Variants in RERE observed in about 807,000 individuals in gnomAD.
RERE encodes arginine-glutamic acid dipeptide repeats protein.
Under a neutral mutation model 146.1 loss-of-function variants are expected in RERE, and 40 were observed. The observed-to-expected ratio is 0.27, with a 90% CI of 0.21 to 0.36. RERE has a LOEUF of 0.36. Among genes scored for constraint, RERE ranks in the 10% least tolerant of loss-of-function variants. The pLI is 1.00. For missense variants in RERE, 1,933 were observed against 2,138.7 expected (o/e 0.90, Z 1.90); for synonymous variants, 1,003 against 866.0 (o/e 1.16, Z -2.78).
At chr1:8,482,376 T>C (rs901522635) in intron 10 of RERE, among the ~76,000 whole-genome samples, 1 of 152,034 alleles carries the variant, frequency 6.6e-6, no homozygotes, top group Non-Finnish European at 1.5e-5. Flanking sequence ...TAAAAGCCAT[T>C]TCATTCAAAC....
At chr1:8,573,918 A>AC (rs1306272095) in intron 4 of RERE, among the ~76,000 whole-genome samples, 2 of 151,512 alleles carry the variant, frequency 1.3e-5, no homozygotes, top group African/African-American at 4.8e-5. Flanking sequence ...CTCTCCTCCT[A>AC]CCTCAGCCTC....
intron 4 of RERE, among the ~76,000 whole-genome samples, chr1:8,558,923 G>A (rs772472013): frequency 3.3e-5 from 5 of 150,400 alleles, no homozygotes; most frequent in Non-Finnish European, 7.4e-5. Flanking sequence ...AGCCTCCCAA[G>A]TAGCTGGGAT....
rs951450531 is a variant in RERE, at chr1:8,453,768, T to C, written c.1203+12157A>G. Among the ~76,000 whole-genome samples the C allele has an allele frequency of 3.9e-5, 6 of 152,194 alleles. No individual in the cohort carries two copies. The South Asian group carries it at 1.2e-3, about 32-fold the overall frequency. On this transcript the variant is annotated intron_variant, in intron 11 of 22. Transcript: ENST00000400908. The stretch of plus-strand genomic sequence containing the variant: ...TTGCAGTGAGCTGAGATCACACCAT[T>C]GCACTGGTCCAGCCTGGGCAACAGA...
At chr1:8,462,491 G>T (rs763866227) in intron 11 of RERE, among the ~76,000 whole-genome samples, 8 of 152,254 alleles carry the variant, frequency 5.3e-5, no homozygotes, top group Non-Finnish European at 1.2e-4. Context: ...AACGAGTAGG[G>T]TCTGCACTGG....
chr1:8,471,245 G>T lies in RERE; in HGVS notation c.1105-5222C>A, dbSNP rs773855309. On this transcript the variant is annotated intron_variant, in intron 10 of 22. Transcript: ENST00000400908. Reference sequence around the variant, plus strand: ...CGATCAGGACATCTTTCTTTCCTTCGACACATTTACTGAGTGCTCAACTAT... The same window carrying T: ...CGATCAGGACATCTTTCTTTCCTTCTACACATTTACTGAGTGCTCAACTAT... Among the ~76,000 whole-genome samples the T allele has an allele frequency of 3.3e-5, 5 of 152,152 alleles. No individual in the cohort carries two copies. In the Middle Eastern group the frequency reaches 0.014, roughly 414 times the overall value.
At chr1:8,680,035 A>T (rs974481474) in intron 1 of RERE, among the ~76,000 whole-genome samples, 8 of 152,178 alleles carry the variant, frequency 5.3e-5, no homozygotes, top group Non-Finnish European at 7.4e-5. Context: ...AATAATCATC[A>T]TGGAATAGCT....
chr1:8,631,378 G>C (rs1647033341), intron 2 of RERE, among the ~76,000 whole-genome samples: 1 of 152,112 alleles, frequency 6.6e-6, no homozygotes, highest in Non-Finnish European at 1.5e-5. Context: ...CTCCAGCCTG[G>C]GTGACAGCAT....
At chr1:8,549,043 C>G (rs1482102717) in intron 6 of RERE, among the ~76,000 whole-genome samples, 2 of 152,142 alleles carry the variant, frequency 1.3e-5, no homozygotes, top group Non-Finnish European at 2.9e-5. Flanking sequence ...TATAACCTTA[C>G]AAGTCTGGAG....
chr1:8,790,239 T>C (rs193158206), intron 1 of RERE, among the ~76,000 whole-genome samples: 67 of 152,206 alleles, frequency 4.4e-4, no homozygotes, highest in Non-Finnish European at 4.4e-5. Flanking sequence ...ATGGCATATG[T>C]ACTGAAACGC....
chr1:8,759,047 C>T (rs925825338), intron 1 of RERE, among the ~76,000 whole-genome samples: 11 of 151,930 alleles, frequency 7.2e-5, no homozygotes, highest in African/African-American at 1.9e-4. Flanking sequence ...ATGCTGAAGC[C>T]GGAGGATTGC....
intron 12 of RERE, among the ~76,000 whole-genome samples, chr1:8,376,510 C>T (rs558564819): frequency 2.2e-4 from 33 of 152,322 alleles, no homozygotes; most frequent in South Asian, 1.9e-3. Flanking sequence ...ACCTCTATGA[C>T]GACATGAGAC....
chr1:8,662,406 G>C (rs766414764), intron 1 of RERE, among the ~76,000 whole-genome samples: 1 of 152,160 alleles, frequency 6.6e-6, no homozygotes, highest in Admixed American at 6.5e-5. Flanking sequence ...TGGATACAGC[G>C]GCTCATGCCT....
chr1:8,658,780 GAA>G (rs951912974), intron 1 of RERE, among the ~76,000 whole-genome samples: 2 of 151,012 alleles, frequency 1.3e-5, no homozygotes, highest in African/African-American at 4.9e-5. Flanking sequence ...AAGAAAGAAA[GAA>G]AGAAAAAAGA....
chr1:8,682,228 C>T (rs755171709), intron 1 of RERE, among the ~76,000 whole-genome samples: 1 of 152,138 alleles, frequency 6.6e-6, no homozygotes, highest in Non-Finnish European at 1.5e-5. Context: ...TATAGGCTGT[C>T]TATAACAAAG....
At position 8,364,033 on chromosome 1, in the gene RERE, C is replaced by A. The variant is rs1281865359; in HGVS notation, c.1740+23G>T. 3.1e-6 allele frequency: 5 copies of A among 1,606,088 alleles called. No homozygotes were observed. Among genetic ancestry groups the A allele is most frequent in the Non-Finnish European group, 1.7e-6 (2 of 1,173,280 alleles). Reference sequence around the variant, plus strand: ...AGGAAACTGAAGAAGTTGCCAGGAGCCCCATGGCCCCAGGGGACTCACCGA... The same window carrying A: ...AGGAAACTGAAGAAGTTGCCAGGAGACCCATGGCCCCAGGGGACTCACCGA... On this transcript the variant is annotated intron_variant, in intron 15 of 22. Coordinates refer to ENST00000400908, the MANE Select transcript of RERE (RefSeq NM_001042681.2). The surrounding 1 kb of genome is among the most constrained non-coding windows in gnomAD (Gnocchi z 5.1).
At chr1:8,785,814 G>A (rs947178155) in intron 1 of RERE, among the ~76,000 whole-genome samples, 2 of 152,126 alleles carry the variant, frequency 1.3e-5, no homozygotes, top group Non-Finnish European at 2.9e-5. Flanking sequence ...TAGCAATGGG[G>A]TTTCACCATG....
intron 11 of RERE, among the ~76,000 whole-genome samples, chr1:8,424,431 C>T (rs1430542275): frequency 2.0e-5 from 3 of 152,192 alleles, no homozygotes; most frequent in Non-Finnish European, 4.4e-5. Flanking sequence ...GGAGGCTTTG[C>T]GTTTTTGAAT....
chr1:8,717,411 C>T (rs747223596), intron 1 of RERE, among the ~76,000 whole-genome samples: 106 of 152,282 alleles, frequency 7.0e-4, no homozygotes, highest in Non-Finnish European at 4.0e-4. Flanking sequence ...TGCTTATGTA[C>T]ACTTCACGAG....
chr1:8,601,126 TCTC>T (rs1279053287), intron 4 of RERE, among the ~76,000 whole-genome samples: 8 of 149,520 alleles, frequency 5.4e-5, no homozygotes, highest in Non-Finnish European at 1.0e-4. Context: ...TTCAAGCAGT[TCTC>T]CTGCCTCAGC....
Sources: gnomAD v4.1 joint callset for allele counts (sites outside exome capture counted in the v4.1 genomes callset) on GRCh38, gnomAD v4.1.1 for gene constraint, Gnocchi (gnomAD v3.1) non-coding constraint, MANE v1.5 for transcripts, NCBI Gene and HGNC (gene_info 2026-07-23, HGNC 2026-07-21) for gene names.